ZDHHC20: variants seen among roughly 807,000 people sequenced by gnomAD.
The protein encoded by ZDHHC20 is palmitoyltransferase ZDHHC20.
In ZDHHC20, 43 loss-of-function variants were observed where a neutral mutation model predicts 57.8. The observed-to-expected ratio is 0.74, with a 90% CI of 0.58 to 0.96. The LOEUF (loss-of-function observed/expected upper bound fraction) is 0.96. Ranked by LOEUF, ZDHHC20 falls within the 40% of genes least tolerant of loss-of-function variation. The pLI, the probability that ZDHHC20 is intolerant of heterozygous loss-of-function variation, is 0.00. For missense variants in ZDHHC20, 391 were observed against 441.1 expected (o/e 0.89, Z 1.02); for synonymous variants, 157 against 153.0 (o/e 1.03, Z -0.19).
At chr13:21,400,902 G>T (rs1877528350) in intron 6 of ZDHHC20, among the ~76,000 whole-genome samples, 1 of 151,360 alleles carries the variant, frequency 6.6e-6, no homozygotes, top group Non-Finnish European at 1.5e-5. Flanking sequence ...GTAGAGATGG[G>T]GTTTCACCAT....
intron 7 of ZDHHC20, among the ~76,000 whole-genome samples, chr13:21,395,152 C>T (rs141369688): frequency 0.17 from 26,226 of 151,112 alleles, 2,782 homozygotes; most frequent in Non-Finnish European, 0.25. Flanking sequence ...CTGCAAGCTC[C>T]GTCTCCCAGG....
chr13:21,440,507 A>T (rs764347550), intron 1 of ZDHHC20, among the ~76,000 whole-genome samples: 9 of 152,076 alleles, frequency 5.9e-5, no homozygotes, highest in Non-Finnish European at 1.0e-4. Context: ...GCTACTTGGG[A>T]GGCTGAGGCA....
intron 2 of ZDHHC20, among the ~76,000 whole-genome samples, chr13:21,424,910 A>G (rs576446536): frequency 1.1e-4 from 16 of 152,300 alleles, no homozygotes; most frequent in African/African-American, 3.6e-4. Flanking sequence ...GTTACTGACA[A>G]ATTAAATTTA....
Position 21,374,400 on chromosome 13 carries a change from T to C in ZDHHC20, c.*2296A>G. The stretch of plus-strand genomic sequence containing the variant: ...CCACCATGCCTGGACAGTTTTGGGG[T>C]TTTTTTGTATTTTTAGTGGAGACAG... On this transcript the variant is annotated 3_prime_UTR_variant, in exon 13 of 13. Coordinates refer to ENST00000400590, the MANE Select transcript of ZDHHC20 (RefSeq NM_001330059.2). The C allele has an allele frequency of 2.2e-6, 1 of 454,656 alleles. No individual in the cohort carries two copies. The highest frequency in any genetic ancestry group is 4.4e-6 in the Non-Finnish European group (1 of 225,986). 28.2% of individuals were successfully genotyped at this position (454,656 alleles called of 1,614,324 possible).
chr13:21,424,730 T>C (rs1881061592), intron 2 of ZDHHC20, among the ~76,000 whole-genome samples: 1 of 150,364 alleles, frequency 6.7e-6, no homozygotes, highest in Non-Finnish European at 1.5e-5. Flanking sequence ...AAAAAGACTC[T>C]GAGAGACACG....
intron 1 of ZDHHC20, among the ~76,000 whole-genome samples, chr13:21,428,890 CA>C (rs1881600094): frequency 6.6e-6 from 1 of 151,892 alleles, no homozygotes; most frequent in Admixed American, 6.6e-5. Context: ...AACAAAAGAA[CA>C]AAACAACAAC....
intron 8 of ZDHHC20, among the ~76,000 whole-genome samples, chr13:21,389,972 A>G (rs1303418311): frequency 1.3e-5 from 2 of 152,242 alleles, no homozygotes; most frequent in African/African-American, 4.8e-5. Flanking sequence ...ATGACAAAAA[A>G]AAGTAGTTAA....
At chr13:21,416,999 G>A (rs927448683) in intron 3 of ZDHHC20, among the ~76,000 whole-genome samples, 5 of 152,172 alleles carry the variant, frequency 3.3e-5, no homozygotes, top group East Asian at 1.9e-4. Flanking sequence ...ACATGCTGCC[G>A]CCTCTTCCTC....
chr13:21,377,163 G>T (rs907116728), intron 12 of ZDHHC20: 38 of 195,564 alleles, frequency 1.9e-4, no homozygotes, highest in African/African-American at 4.8e-5. Flanking sequence ...ACCGTATGCG[G>T]GACACAGCTC....
chr13:21,379,825 C>CTTTTTTTTTTTTTTTTT (rs56681468), intron 11 of ZDHHC20, among the ~76,000 whole-genome samples: 1 of 137,732 alleles, frequency 7.3e-6, no homozygotes, highest in African/African-American at 2.8e-5. Context: ...TTTCTTTTTT[C>CTTTTTTTTTTTTTTTTT]TTTTTTTTTG....
At chr13:21,427,054 A>G (rs557615511) in intron 1 of ZDHHC20, among the ~76,000 whole-genome samples, 12 of 152,264 alleles carry the variant, frequency 7.9e-5, no homozygotes, top group Non-Finnish European at 1.8e-4. Context: ...ACTCCTCTGT[A>G]AAGTCTTCCT....
chr13:21,453,843 T>C (rs1470531981), intron 1 of ZDHHC20, among the ~76,000 whole-genome samples: 1 of 151,408 alleles, frequency 6.6e-6, no homozygotes, highest in Non-Finnish European at 1.5e-5. Flanking sequence ...CAAAACAAAA[T>C]AAAAGGATTT....
intron 7 of ZDHHC20, among the ~76,000 whole-genome samples, chr13:21,395,621 C>T (rs1876657854): frequency 6.6e-6 from 1 of 151,480 alleles, no homozygotes; most frequent in Non-Finnish European, 1.5e-5. Flanking sequence ...CCTGCCTCAG[C>T]CTCCCAAGTA....
chr13:21,409,183 G>A (rs1301707189), intron 4 of ZDHHC20, among the ~76,000 whole-genome samples: 3 of 152,162 alleles, frequency 2.0e-5, no homozygotes, highest in Non-Finnish European at 4.4e-5. Context: ...AGAAGGAATG[G>A]TACCACCTCC....
intron 1 of ZDHHC20, among the ~76,000 whole-genome samples, chr13:21,455,498 T>C (rs1180314057): frequency 2.0e-5 from 3 of 152,162 alleles, no homozygotes; most frequent in Non-Finnish European, 4.4e-5. Context: ...AGAATTTCAG[T>C]CTAATTTAAA....
intron 9 of ZDHHC20, 117 bp downstream of exon 9, chr13:21,387,385 TTCATTC>T: frequency 1.3e-6 from 1 of 755,632 alleles, no homozygotes. Flanking sequence ...ATTTTGAGTT[TTCATTC>T]TCAAAGTCTG....
intron 4 of ZDHHC20, among the ~76,000 whole-genome samples, chr13:21,408,815 G>T (rs577445238): frequency 5.1e-4 from 77 of 152,116 alleles, no homozygotes; most frequent in Non-Finnish European, 8.2e-4. Context: ...AGTGTTTTTA[G>T]CATGAAAGGT....
At chr13:21,402,674 A>T (rs1202730551) in intron 5 of ZDHHC20, 123 bp downstream of exon 5, 46 of 773,642 alleles carry the variant, frequency 5.9e-5, no homozygotes, top group Non-Finnish European at 5.7e-5. Flanking sequence ...TGCACAGCAA[A>T]TAATGGGAGA....
At chr13:21,451,220 C>A (rs915488316) in intron 1 of ZDHHC20, among the ~76,000 whole-genome samples, 2 of 152,146 alleles carry the variant, frequency 1.3e-5, no homozygotes, top group African/African-American at 4.8e-5. Flanking sequence ...GACCAATAAG[C>A]CATTTCACGT....
Sources: gnomAD v4.1 joint callset for allele counts (sites outside exome capture counted in the v4.1 genomes callset) on GRCh38, gnomAD v4.1.1 for gene constraint, MANE v1.5 for transcripts, NCBI Gene and HGNC (gene_info 2026-07-23, HGNC 2026-07-21) for gene names.